SUDS3: variants seen among roughly 807,000 people sequenced by gnomAD.
SUDS3 encodes the protein sin3 histone deacetylase corepressor complex component SDS3.
Under a neutral mutation model 53.5 loss-of-function variants are expected in SUDS3, and 23 were observed. The ratio of observed to expected loss-of-function variants is 0.43; its 90% CI spans 0.31 to 0.61. The LOEUF is 0.61. Ranked by LOEUF, SUDS3 falls within the 20% of genes least tolerant of loss-of-function variation. The pLI, the probability that SUDS3 is intolerant of heterozygous loss-of-function variation, is 0.10. For missense variants in SUDS3, 291 were observed against 405.9 expected (o/e 0.72, Z 2.43); for synonymous variants, 150 against 148.5 (o/e 1.01, Z -0.08).
intron 1 of SUDS3, among the ~76,000 whole-genome samples, chr12:118,379,665 G>A (rs760120856): frequency 6.6e-6 from 1 of 152,110 alleles, no homozygotes; most frequent in African/African-American, 2.4e-5. Context: ...CTGGAGCAGC[G>A]AGTAAGGCTT....
intron 10 of SUDS3, among the ~76,000 whole-genome samples, chr12:118,406,019 C>A (rs2046305616): frequency 6.6e-6 from 1 of 152,174 alleles, no homozygotes; most frequent in South Asian, 2.1e-4. Flanking sequence ...TTGCCAAGCT[C>A]CCTTTCATTT....
chr12:118,397,274 AT>A lies in SUDS3; in HGVS notation c.518-3380del, dbSNP rs1441528545. ...TCTGAGCTTCAGTTCTGGAAGTTTG[AT>A]TTTTGTCAGTGTAGCCAGATTGAGC... On this transcript the variant is annotated intron_variant, in intron 6 of 11. Transcript: ENST00000543473. 3.9e-5 allele frequency among the ~76,000 whole-genome samples: 6 copies of A among 151,928 alleles called. No homozygotes were observed. In the East Asian group the frequency reaches 1.2e-3, roughly 29 times the overall value.
At chr12:118,397,804 C>T (rs925037229) in intron 6 of SUDS3, among the ~76,000 whole-genome samples, 1 of 151,776 alleles carries the variant, frequency 6.6e-6, no homozygotes, top group Non-Finnish European at 1.5e-5. Context: ...TTTCAGAGTT[C>T]AGTGGCCGTG....
At chr12:118,380,287 T>C (rs1000971627) in intron 2 of SUDS3, 56 bp downstream of exon 2, 6 of 1,444,110 alleles carry the variant, frequency 4.2e-6, no homozygotes, top group Middle Eastern at 1.7e-4. Context: ...CATCTTTATA[T>C]AGATTGAGCA....
chr12:118,400,679 A>G lies in SUDS3; in HGVS notation c.538A>G (p.Ile180Val). The G allele has an allele frequency of 1.9e-6, 3 of 1,613,990 alleles. No homozygotes were observed. Among genetic ancestry groups the G allele is most frequent in the African/African-American group, 1.3e-5 (1 of 75,058 alleles). The part of the protein sequence containing the change: ...LTGDSMEVKP[I>V]MTRKLRRRPN... The stretch of plus-strand genomic sequence containing the variant: ...CACAGATTCTATGGAGGTGAAACCT[A>G]TCATGACCAGAAAGTTGCGGAGGCG... Residue 180 changes from isoleucine (I) to valine (V), a missense_variant, in exon 7 of 12, where the codon ATC becomes GTC. Physicochemically the swap from Ile to Val is conservative, Grantham distance 29. This residue lies in a region of SUDS3 where 55 missense variants were observed against 124.2 expected (regional missense o/e 0.44). Transcript: ENST00000543473.
chr12:118,376,614 C>A lies in SUDS3; in HGVS notation c.-78C>A. On this transcript the variant is annotated 5_prime_UTR_variant, in exon 1 of 12. It adds an upstream start codon to the 5' untranslated region. Coordinates refer to ENST00000543473, the MANE Select transcript of SUDS3 (RefSeq NM_022491.3). ...CTCGAGTTGGGGGCTGCCGCGGACA[C>A]TGCTAGGCAGACGGCGAGTACCGAG... 1 of 1,368,856 alleles carries A rather than the reference C, an allele frequency of 7.3e-7. No homozygotes were observed. Among genetic ancestry groups the A allele is most frequent in the Non-Finnish European group, 9.4e-7 (1 of 1,067,104 alleles). 84.8% of individuals were successfully genotyped at this position (1,368,856 alleles called of 1,614,324 possible). A position where few individuals can be genotyped will look rare whatever the true frequency, so the allele number is the denominator to read the frequency against.
At chr12:118,379,280 T>TA (rs2141357827) in intron 1 of SUDS3, among the ~76,000 whole-genome samples, 1 of 152,046 alleles carries the variant, frequency 6.6e-6, no homozygotes, top group Admixed American at 6.5e-5. Context: ...CTACTAAAAA[T>TA]ACAAAAAGTA....
At position 118,400,720 on chromosome 12, in the gene SUDS3, C is replaced by A; in HGVS notation, c.579C>A (p.Val193=). 1.2e-6 allele frequency: 2 copies of A among 1,613,990 alleles called. No homozygotes were observed. Among genetic ancestry groups the A allele is most frequent in the Non-Finnish European group, 1.7e-6 (2 of 1,179,888 alleles). The part of the protein sequence containing the change: ...RKLRRRPNDP[V]PIPDKRRKPA... Reference sequence around the variant, plus strand: ...TGCGGAGGCGACCAAATGATCCCGTCCCCATCCCAGACAAGAGGAGGAAAC... The same window carrying A: ...TGCGGAGGCGACCAAATGATCCCGTACCCATCCCAGACAAGAGGAGGAAAC... Residue 193 remains valine (V), a synonymous_variant, in exon 7 of 12, where the codon GTC becomes GTA. Transcript: ENST00000543473.
rs1156648534 is a variant in SUDS3, at chr12:118,407,196, TTAATATC to T, written c.803+3683_803+3689del. Reference sequence around the variant, plus strand: ...ATTACAGGTATGAGCCCTGAACACTTTAATATCTAAGGACTTATCTTTTCAGAGAATT... The same window carrying T: ...ATTACAGGTATGAGCCCTGAACACTTTAAGGACTTATCTTTTCAGAGAATT... On this transcript the variant is annotated intron_variant, in intron 10 of 11. Transcript: ENST00000543473. Among the ~76,000 whole-genome samples the T allele has an allele frequency of 5.9e-5, 9 of 152,014 alleles. 1 individual carries two copies. Among genetic ancestry groups the T allele is most frequent in the African/African-American group, 1.9e-4 (8 of 41,386 alleles).
chr12:118,381,505 C>G (rs2046059313), intron 2 of SUDS3, among the ~76,000 whole-genome samples: 1 of 152,106 alleles, frequency 6.6e-6, no homozygotes, highest in Non-Finnish European at 1.5e-5. Flanking sequence ...GCCTCAGCCT[C>G]CCGAGTAGCA....
At chr12:118,388,709 G>A (rs1325945545) in intron 4 of SUDS3, among the ~76,000 whole-genome samples, 1 of 152,228 alleles carries the variant, frequency 6.6e-6, no homozygotes, top group Non-Finnish European at 1.5e-5. Context: ...GTGAATAGGA[G>A]GTCAGAGGGC....
rs1430376257 is a variant in SUDS3 at position 118,416,246 on chromosome 12, T to C, written c.*1813T>C. ...TAGATATATTTCATGTATTTTTCCATTGAAGGTGGAGTTTTTCAATGATCA... is the reference window on the plus strand; with the variant it reads ...TAGATATATTTCATGTATTTTTCCACTGAAGGTGGAGTTTTTCAATGATCA... On this transcript the variant is annotated 3_prime_UTR_variant, in exon 12 of 12. Coordinates refer to ENST00000543473, the MANE Select transcript of SUDS3 (RefSeq NM_022491.3). 2 of 152,230 alleles carry C rather than the reference T, an allele frequency of 1.3e-5. No individual in the cohort carries two copies. Among genetic ancestry groups the C allele is most frequent in the African/African-American group, 4.8e-5 (2 of 41,458 alleles). 9.4% of individuals were successfully genotyped at this position (152,230 alleles called of 1,614,324 possible). A position where few individuals can be genotyped will look rare whatever the true frequency, so the allele number is the denominator to read the frequency against.
At chr12:118,399,621 C>T (rs566736199) in intron 6 of SUDS3, among the ~76,000 whole-genome samples, 5 of 152,112 alleles carry the variant, frequency 3.3e-5, no homozygotes, top group Admixed American at 1.3e-4. Context: ...CACTGAAGGC[C>T]GTGGAGGTAG....
At chr12:118,383,435 G>C (rs965227931) in intron 2 of SUDS3, among the ~76,000 whole-genome samples, 1 of 152,214 alleles carries the variant, frequency 6.6e-6, no homozygotes, top group African/African-American at 2.4e-5. Context: ...CGTGTGTGCT[G>C]TGTATTCCCA....
chr12:118,409,208 C>T (rs1228338559), intron 10 of SUDS3, among the ~76,000 whole-genome samples: 1 of 151,184 alleles, frequency 6.6e-6, no homozygotes, highest in Non-Finnish European at 1.5e-5. Flanking sequence ...AGTGCAGTGG[C>T]ATGATCTTGG....
In SUDS3 at chr12:118,380,127, A is replaced by AT. The variant is rs576370208; in HGVS notation, c.143-31dup. On this transcript the variant is annotated intron_variant, in intron 1 of 11. Transcript: ENST00000543473. Reference sequence around the variant, plus strand: ...GGTGACGCCAACTCCGTGAATTATGATTTTAACTAGCCCCTATTTCCTAAC... The same window carrying AT: ...GGTGACGCCAACTCCGTGAATTATGATTTTTAACTAGCCCCTATTTCCTAAC... 1,859 of 1,567,040 alleles carry AT rather than the reference A, an allele frequency of 1.2e-3. 3 individuals are homozygous for AT. Among genetic ancestry groups the AT allele is most frequent in the Non-Finnish European group, 1.5e-3 (1,776 of 1,147,968 alleles).
At chr12:118,376,873 G>T in intron 1 of SUDS3, 40 bp downstream of exon 1, 2 of 1,487,624 alleles carry the variant, frequency 1.3e-6, no homozygotes, top group Non-Finnish European at 1.8e-6. Context: ...GAGCGGAGGT[G>T]GGACCGCTGG....
intron 11 of SUDS3, among the ~76,000 whole-genome samples, chr12:118,412,970 A>C (rs956978337): frequency 3.3e-5 from 5 of 152,168 alleles, no homozygotes; most frequent in African/African-American, 1.2e-4. Flanking sequence ...CACTGGAGCT[A>C]CTTGGCTTTA....
intron 10 of SUDS3, 27 bp downstream of exon 10, chr12:118,403,544 T>G (rs762770195): frequency 1.9e-6 from 3 of 1,577,126 alleles, no homozygotes; most frequent in Admixed American, 3.5e-5. Flanking sequence ...CCTGGACTAG[T>G]AAGAGTCTCA....
Sources: allele counts gnomAD v4.1 joint callset (sites outside exome capture counted in the v4.1 genomes callset), GRCh38; gene constraint gnomAD v4.1.1; regional missense constraint gnomAD v4.1.1; transcripts MANE v1.5; gene names NCBI Gene and HGNC (gene_info 2026-07-23, HGNC 2026-07-21).